Variants in CSMD1 observed in about 807,000 individuals in gnomAD.
CSMD1 encodes CUB and Sushi multiple domains 1, also known as CUB and sushi domain-containing protein 1.
A neutral mutation model predicts 417.5 loss-of-function variants in CSMD1; 213 were observed. The ratio of observed to expected loss-of-function variants is 0.51; its 90% confidence interval spans 0.46 to 0.57. CSMD1 has a LOEUF of 0.57. Ranked by LOEUF, CSMD1 falls within the 20% of genes least tolerant of loss-of-function variation. The pLI is 0.00. For synonymous variants in CSMD1, 2,862 were observed against 1,736.8 expected (o/e 1.65, Z -16.11); for missense variants, 6,923 against 4,529.7 (o/e 1.53, Z -15.17).
chr8:4,789,130 G>C (rs188805920), intron 1 of CSMD1, among the ~76,000 whole-genome samples: 10 of 152,276 alleles, frequency 6.6e-5, no homozygotes, highest in African/African-American at 1.7e-4. Flanking sequence ...ATTCTTGTAA[G>C]AGTTCACTGA....
intron 1 of CSMD1, among the ~76,000 whole-genome samples, chr8:4,796,948 G>C (rs543065991): frequency 6.6e-6 from 1 of 152,214 alleles, no homozygotes; most frequent in Non-Finnish European, 1.5e-5. Context: ...GCAGGACAGA[G>C]CGGCCCTGAT....
chr8:3,222,070 A>G (rs1270887679), intron 28 of CSMD1, among the ~76,000 whole-genome samples: 1 of 152,120 alleles, frequency 6.6e-6, no homozygotes, highest in Non-Finnish European at 1.5e-5. Flanking sequence ...GAGCACATGC[A>G]AACTCCAGAT....
chr8:4,543,432 T>G (rs758527924), intron 2 of CSMD1, among the ~76,000 whole-genome samples: 3 of 152,264 alleles, frequency 2.0e-5, no homozygotes, highest in South Asian at 2.1e-4. Context: ...TACTTAGCAT[T>G]GTGCAGTTAA....
intron 5 of CSMD1, among the ~76,000 whole-genome samples, chr8:3,790,030 C>G (rs1050857608): frequency 6.6e-6 from 1 of 151,984 alleles, no homozygotes; most frequent in Non-Finnish European, 1.5e-5. Context: ...CATGCCCGGC[C>G]GATCATGGTT....
chr8:4,183,481 G>A (rs961809861), intron 3 of CSMD1, among the ~76,000 whole-genome samples: 5 of 152,138 alleles, frequency 3.3e-5, no homozygotes, highest in African/African-American at 1.2e-4. Context: ...AATTGGAGGT[G>A]AAAACACTTT....
intron 2 of CSMD1, among the ~76,000 whole-genome samples, chr8:4,598,656 C>T (rs1800411938): frequency 6.6e-6 from 1 of 152,160 alleles, no homozygotes; most frequent in South Asian, 2.1e-4. Flanking sequence ...GGAATCTAGA[C>T]ACCTAATTTC....
At chr8:3,252,649 C>A (rs189726312) in intron 26 of CSMD1, among the ~76,000 whole-genome samples, 1 of 152,144 alleles carries the variant, frequency 6.6e-6, no homozygotes, top group Non-Finnish European at 1.5e-5. Flanking sequence ...GCAGTTCCTC[C>A]TTATACCTCT....
At chr8:4,689,871 G>T (rs766510759) in intron 1 of CSMD1, among the ~76,000 whole-genome samples, 1 of 152,098 alleles carries the variant, frequency 6.6e-6, no homozygotes, top group South Asian at 2.1e-4. Context: ...TTATATGAAT[G>T]ATTAAAACTA....
intron 5 of CSMD1, 66 bp from the exon 6 acceptor site, chr8:3,754,108 C>A (rs1229921285): frequency 1.9e-5 from 19 of 1,001,672 alleles, no homozygotes; most frequent in Non-Finnish European, 2.6e-5. Flanking sequence ...CTATATCAAA[C>A]CCGCTTTGAA....
rs1815387231 is a variant in CSMD1 at position 3,447,699 on chromosome 8, G to A, written c.1561+21013C>T. 2.6e-5 allele frequency among the ~76,000 whole-genome samples: 4 copies of A among 152,178 alleles called. No individual in the cohort carries two copies. The South Asian group carries it at 8.3e-4, about 32-fold the overall frequency. The stretch of plus-strand genomic sequence containing the variant: ...GAAGGGCTCTGCTCCCACTTCCTGG[G>A]GGTTTGCTTCAGCCCTGTTGCAGGG... On this transcript the variant is annotated intron_variant, in intron 12 of 69. Transcript: ENST00000635120.
intron 2 of CSMD1, among the ~76,000 whole-genome samples, chr8:4,631,573 C>T (rs185842792): frequency 6.6e-6 from 1 of 152,144 alleles, no homozygotes; most frequent in Admixed American, 6.5e-5. Context: ...TTCTAAATAT[C>T]ACCAGATATA....
intron 7 of CSMD1, among the ~76,000 whole-genome samples, chr8:3,649,825 G>A (rs1416416586): frequency 1.3e-5 from 2 of 152,196 alleles, no homozygotes; most frequent in Non-Finnish European, 2.9e-5. Flanking sequence ...TAAGTGGTCA[G>A]ATTTTGCAAT....
At position 3,000,109 on chromosome 8, in the gene CSMD1, G is replaced by A; in HGVS notation, c.8052C>T (p.Asp2684=). ...CACTAATGTGACCGTTCACAATCGG[G>A]TCTGGGGAACCGCAGTGGCCAGCTA... ...RCLAGHCGSP[D]PIVNGHISGD... is the part of the protein sequence containing the mutation. The change falls in exon 53 of 70, where the codon GAC becomes GAT. Residue 2684 remains aspartate (D), a synonymous_variant. Transcript: ENST00000635120. 1 of 1,560,140 alleles carries A rather than the reference G, an allele frequency of 6.4e-7. No homozygotes were observed. Among genetic ancestry groups the A allele is most frequent in the Non-Finnish European group, 8.7e-7 (1 of 1,151,454 alleles).
At chr8:4,599,938 G>A (rs1209974175) in intron 2 of CSMD1, among the ~76,000 whole-genome samples, 1 of 152,152 alleles carries the variant, frequency 6.6e-6, no homozygotes, top group Non-Finnish European at 1.5e-5. Flanking sequence ...AGGTATGCAT[G>A]GATCTGACAC....
intron 3 of CSMD1, among the ~76,000 whole-genome samples, chr8:4,224,372 A>C (rs1461420214): frequency 1.3e-5 from 2 of 152,216 alleles, no homozygotes; most frequent in Admixed American, 1.3e-4. Context: ...GCGCAACAGC[A>C]CATATTTTGA....
Position 4,355,347 on chromosome 8 carries a change from GATAT to G in CSMD1, c.415+64602_415+64605del, listed in dbSNP as rs938159323. On this transcript the variant is annotated intron_variant, in intron 3 of 69. Coordinates refer to ENST00000635120, the MANE Select transcript of CSMD1 (RefSeq NM_033225.6). ...CACGCACACACACACACGTATATAT[GATAT>G]ATATACACACACACAAAACTCTACA... 2.0e-5 allele frequency among the ~76,000 whole-genome samples: 3 copies of G among 149,730 alleles called. No homozygotes were observed. The Admixed American group carries it at 2.0e-4, about 10-fold the overall frequency.
In CSMD1 at chr8:3,519,078, T is replaced by G. The variant is rs534606185; in HGVS notation, c.1345-25352A>C. 9.2e-5 allele frequency among the ~76,000 whole-genome samples: 14 copies of G among 152,310 alleles called. No homozygotes were observed. The South Asian group carries it at 2.9e-3, about 32-fold the overall frequency. ...CCTCTTAAAACCAGAGTTAAGGAAT[T>G]TGACTTTTGTGCCTCACTGTCCCCT... is the stretch of plus-strand genomic sequence containing the variant. On this transcript the variant is annotated intron_variant, in intron 10 of 69. Coordinates refer to ENST00000635120, the MANE Select transcript of CSMD1 (RefSeq NM_033225.6).
intron 5 of CSMD1, among the ~76,000 whole-genome samples, chr8:3,876,100 T>G (rs1441082632): frequency 1.3e-5 from 2 of 152,216 alleles, no homozygotes; most frequent in Non-Finnish European, 2.9e-5. Context: ...ATATTTGTTT[T>G]CTTCCTTTTA....
intron 3 of CSMD1, among the ~76,000 whole-genome samples, chr8:4,332,897 G>A (rs1450104494): frequency 1.3e-5 from 2 of 148,880 alleles, no homozygotes; most frequent in African/African-American, 2.5e-5. Flanking sequence ...ACAACACAAT[G>A]ACTTGAAAAG....
Sources: gnomAD v4.1 joint callset for allele counts (sites outside exome capture counted in the v4.1 genomes callset) on GRCh38, gnomAD v4.1.1 for gene constraint, MANE v1.5 for transcripts, NCBI Gene and HGNC (gene_info 2026-07-23, HGNC 2026-07-21) for gene names.